The following THRAP3 variants were observed in gnomAD, a reference collection of about 807,000 sequenced individuals.
The protein encoded by THRAP3 is thyroid hormone receptor-associated protein 3.
A neutral mutation model predicts 101.0 loss-of-function variants in THRAP3; 16 were observed. The ratio of observed to expected loss-of-function variants is 0.16; its 90% CI spans 0.11 to 0.24. The LOEUF is 0.24. Among genes scored for constraint, THRAP3 ranks in the 10% least tolerant of loss-of-function variants. THRAP3 has a pLI of 1.00. For missense variants in THRAP3, 989 were observed against 1,202.7 expected (o/e 0.82, Z 2.63); for synonymous variants, 407 against 422.6 (o/e 0.96, Z 0.45).
intron 1 of THRAP3, among the ~76,000 whole-genome samples, chr1:36,257,490 A>G (rs1645390295): frequency 6.6e-6 from 1 of 152,178 alleles, no homozygotes; most frequent in Non-Finnish European, 1.5e-5. Flanking sequence ...CTGTTTGGCC[A>G]AAGGAGGTTC....
intron 2 of THRAP3, among the ~76,000 whole-genome samples, chr1:36,266,011 A>G (rs1645509470): frequency 6.6e-6 from 1 of 151,986 alleles, no homozygotes; most frequent in African/African-American, 2.4e-5. Flanking sequence ...AAGATTAGCC[A>G]GGCATGGTGA....
intron 1 of THRAP3, among the ~76,000 whole-genome samples, chr1:36,232,309 C>T (rs1194072332): frequency 6.6e-6 from 1 of 151,972 alleles, no homozygotes; most frequent in Non-Finnish European, 1.5e-5. Flanking sequence ...CTCATAAGTT[C>T]TTATTACTTA....
chr1:36,212,907 G>A, the THRAP3 span, among the ~76,000 whole-genome samples: 6 of 152,186 alleles, frequency 3.9e-5, no homozygotes, highest in African/African-American at 1.4e-4. Context: ...CCTAAAAGAA[G>A]CAGATTCTGA....
chr1:36,265,299 A>G (rs1645499169), intron 2 of THRAP3, among the ~76,000 whole-genome samples: 1 of 152,200 alleles, frequency 6.6e-6, no homozygotes, highest in Admixed American at 6.6e-5. Context: ...TTCAAAGAGA[A>G]GCAACTTGGA....
Position 36,286,325 on chromosome 1 carries a change from G to T in THRAP3, c.138-43G>T, listed in dbSNP as rs947606994. The T allele has an allele frequency of 1.3e-6, 2 of 1,516,116 alleles. No individual in the cohort carries two copies. Among genetic ancestry groups the T allele is most frequent in the African/African-American group, 1.4e-5 (1 of 71,506 alleles). The allele number at this position is 1,516,116 out of a possible 1,614,324, so 93.9% of individuals were successfully genotyped here. ...AGATTTTTCTTGAATAAAAATGCTTGTGTCAAAAATTCAAACATTTGTCTC... is the reference window on the plus strand; with the variant it reads ...AGATTTTTCTTGAATAAAAATGCTTTTGTCAAAAATTCAAACATTTGTCTC... On this transcript the variant is annotated intron_variant, in intron 3 of 11. Transcript: ENST00000354618. This position sits in a 1 kb window ranked among gnomAD's most constrained non-coding sequence, Gnocchi z 5.5.
chr1:36,246,872 A>G (rs2124433691), intron 1 of THRAP3, among the ~76,000 whole-genome samples: 1 of 152,026 alleles, frequency 6.6e-6, no homozygotes, highest in South Asian at 2.1e-4. Context: ...AAATAAAATT[A>G]CAGGCATAAC....
chr1:36,227,934 G>C (rs1644980636), intron 1 of THRAP3, among the ~76,000 whole-genome samples: 1 of 152,046 alleles, frequency 6.6e-6, no homozygotes, highest in Non-Finnish European at 1.5e-5. Flanking sequence ...GGAGTGTGGT[G>C]GTGCGATCTC....
chr1:36,280,074 T>G (rs1645712314), intron 2 of THRAP3, among the ~76,000 whole-genome samples: 1 of 152,136 alleles, frequency 6.6e-6, no homozygotes, highest in African/African-American at 2.4e-5. Flanking sequence ...CCATTGATCT[T>G]AGAAGTTTGA....
intron 2 of THRAP3, among the ~76,000 whole-genome samples, chr1:36,274,624 G>GTT (rs1645631852): frequency 8.4e-6 from 1 of 118,412 alleles, no homozygotes; most frequent in African/African-American, 3.3e-5. Flanking sequence ...GATTAATTGG[G>GTT]CTTTTTTTTT....
intron 11 of THRAP3, among the ~76,000 whole-genome samples, chr1:36,302,783 T>A (rs1646046112): frequency 6.6e-6 from 1 of 152,246 alleles, no homozygotes; most frequent in Non-Finnish European, 1.5e-5. Flanking sequence ...TCCCTCCTTC[T>A]GTCTCATGAG....
chr1:36,229,706 G>T (rs529186320), intron 1 of THRAP3, among the ~76,000 whole-genome samples: 1 of 152,182 alleles, frequency 6.6e-6, no homozygotes, highest in East Asian at 1.9e-4. Flanking sequence ...AGGCTGGAGT[G>T]CAGTGGCGCA....
At chr1:36,295,214 A>C (rs1205432360) in intron 8 of THRAP3, among the ~76,000 whole-genome samples, 1 of 138,130 alleles carries the variant, frequency 7.2e-6, no homozygotes, top group Non-Finnish European at 1.6e-5. Flanking sequence ...CAAGAGTGAA[A>C]CTCTGTCTCA....
chr1:36,228,327 C>T (rs968924797), intron 1 of THRAP3, among the ~76,000 whole-genome samples: 4 of 152,186 alleles, frequency 2.6e-5, no homozygotes, highest in Non-Finnish European at 5.9e-5. Flanking sequence ...AAGCGATTCT[C>T]CAGCCTCAGC....
the THRAP3 span, among the ~76,000 whole-genome samples, chr1:36,214,002 GAAAGAAAGAAA>G: frequency 0.02 from 653 of 32,130 alleles, 2 homozygotes; most frequent in Admixed American, 0.034. Context: ...AGAAAGGAAA[GAAAGAAAGAAA>G]GAAAGAAAGA....
At chr1:36,221,886 C>T (rs1018222688), upstream of THRAP3, among the ~76,000 whole-genome samples, 4 of 151,174 alleles carry the variant, frequency 2.6e-5, no homozygotes, top group Admixed American at 6.6e-5. Context: ...CTCGGCTCAC[C>T]GCAACCTCTG....
intron 8 of THRAP3, 41 bp from the exon 9 acceptor site, chr1:36,296,542 C>G (rs961717396): frequency 1.3e-5 from 20 of 1,487,482 alleles, no homozygotes; most frequent in Non-Finnish European, 1.7e-5. Context: ...GTTGACAGCT[C>G]TGAATCCCAG....
chr1:36,283,823 G>A (rs1645763529), intron 3 of THRAP3, among the ~76,000 whole-genome samples: 1 of 152,164 alleles, frequency 6.6e-6, no homozygotes, highest in South Asian at 2.1e-4. Flanking sequence ...CAAAGGATTA[G>A]TAGTTTTGTT....
At chr1:36,238,950 T>C (rs1417314208) in intron 1 of THRAP3, among the ~76,000 whole-genome samples, 1 of 152,076 alleles carries the variant, frequency 6.6e-6, no homozygotes, top group Non-Finnish European at 1.5e-5. Flanking sequence ...TTATTATTTT[T>C]TGAGATGGAG....
chr1:36,270,311 G>A (rs893980294), intron 2 of THRAP3, among the ~76,000 whole-genome samples: 2 of 152,032 alleles, frequency 1.3e-5, no homozygotes, highest in African/African-American at 4.8e-5. Context: ...GATCGGTTGA[G>A]CCAGCCAGGG....
Sources: allele counts gnomAD v4.1 joint callset (sites outside exome capture counted in the v4.1 genomes callset), GRCh38; gene constraint gnomAD v4.1.1; non-coding constraint Gnocchi (gnomAD v3.1); transcripts MANE v1.5; gene names NCBI Gene and HGNC (gene_info 2026-07-23, HGNC 2026-07-21).